CSMD1: variants seen among roughly 807,000 people sequenced by gnomAD.
The protein encoded by CSMD1 is CUB and Sushi multiple domains 1.
CSMD1 carries 213 observed loss-of-function variants against 417.5 expected under a neutral mutation model. That is an observed-to-expected ratio of 0.51 (90% CI 0.46 to 0.57). The LOEUF is 0.57. Ranked by LOEUF, CSMD1 falls within the 20% of genes least tolerant of loss-of-function variation. The probability of loss-of-function intolerance (pLI) is 0.00; values close to 1 mark genes in which losing one functional copy is unlikely to be tolerated. For missense variants in CSMD1, 6,923 were observed against 4,529.7 expected (o/e 1.53, Z -15.17); for synonymous variants, 2,862 against 1,736.8 (o/e 1.65, Z -16.11).
chr8:4,294,443 C>G (rs184035514), intron 3 of CSMD1, among the ~76,000 whole-genome samples: 1 of 152,196 alleles, frequency 6.6e-6, no homozygotes, highest in Admixed American at 6.5e-5. Context: ...CAATTAACAT[C>G]GCAGGCAATG....
intron 34 of CSMD1, 90 bp from the exon 35 acceptor site, chr8:3,189,101 G>C: frequency 8.0e-7 from 1 of 1,255,412 alleles, no homozygotes; most frequent in Non-Finnish European, 1.1e-6. Context: ...TGACCACACA[G>C]TAAGAGAAAA....
At position 3,827,888 on chromosome 8, in the gene CSMD1, G is replaced by T. The variant is rs73658296; in HGVS notation, c.819-73846C>A. Among the ~76,000 whole-genome samples the T allele has an allele frequency of 1.4e-3, 209 of 152,226 alleles. 2 individuals carry two copies. The highest frequency in any genetic ancestry group is 4.2e-3 in the African/African-American group (175 of 41,538). On this transcript the variant is annotated intron_variant, in intron 5 of 69. Coordinates refer to ENST00000635120, the MANE Select transcript of CSMD1 (RefSeq NM_033225.6). ...ACTTCTGATGAAGTTTCATCCCCAT[G>T]GGCTCACTCAAAGGAAACAATATAG...
chr8:3,952,672 G>C (rs1460871452), intron 5 of CSMD1, among the ~76,000 whole-genome samples: 1 of 152,180 alleles, frequency 6.6e-6, no homozygotes, highest in African/African-American at 2.4e-5. Flanking sequence ...TGAAATCAAA[G>C]AGATATTATT....
intron 1 of CSMD1, among the ~76,000 whole-genome samples, chr8:4,835,480 T>G (rs967615925): frequency 6.6e-6 from 1 of 152,182 alleles, no homozygotes; most frequent in Non-Finnish European, 1.5e-5. Flanking sequence ...GATTCTTATG[T>G]TGAATTTGAG....
chr8:3,681,892 C>G (rs1056620536), intron 7 of CSMD1, among the ~76,000 whole-genome samples: 2 of 152,154 alleles, frequency 1.3e-5, no homozygotes, highest in African/African-American at 2.4e-5. Context: ...TACCACACAT[C>G]TACGACTATC....
intron 43 of CSMD1, among the ~76,000 whole-genome samples, chr8:3,109,103 A>G (rs1221430088): frequency 6.6e-6 from 1 of 152,092 alleles, no homozygotes; most frequent in Non-Finnish European, 1.5e-5. Context: ...TGTCTCTACT[A>G]AAATTACAAA....
intron 1 of CSMD1, among the ~76,000 whole-genome samples, chr8:4,890,007 C>T (rs1307082782): frequency 1.3e-5 from 2 of 151,968 alleles, no homozygotes; most frequent in African/African-American, 4.8e-5. Context: ...AGGTATCTTA[C>T]CTAATAATTA....
rs532414657 is a variant in CSMD1 at position 4,679,075 on chromosome 8, C to T, written c.86-41517G>A. Reference sequence around the variant, plus strand: ...AGTGAGGTTCGTGACTCTATTCCTCCCTCAGGTAGCCTCACATCTGGTCAT... The same window carrying T: ...AGTGAGGTTCGTGACTCTATTCCTCTCTCAGGTAGCCTCACATCTGGTCAT... On this transcript the variant is annotated intron_variant, in intron 1 of 69. Coordinates refer to ENST00000635120, the MANE Select transcript of CSMD1 (RefSeq NM_033225.6). Among the ~76,000 whole-genome samples, 8 of 152,278 alleles carry T rather than the reference C, an allele frequency of 5.3e-5. No individual in the cohort carries two copies. In the East Asian group the frequency reaches 1.5e-3, roughly 29 times the overall value.
chr8:4,471,599 A>G (rs55686617), intron 2 of CSMD1, among the ~76,000 whole-genome samples: 5,242 of 152,136 alleles, frequency 0.034, 200 homozygotes, highest in African/African-American at 0.097. Context: ...GCAGGGAGAA[A>G]ACAACCCAGA....
chr8:3,234,032 G>T (rs549521131), intron 26 of CSMD1, among the ~76,000 whole-genome samples: 3 of 152,068 alleles, frequency 2.0e-5, no homozygotes, highest in Non-Finnish European at 4.4e-5. Context: ...ACACCCTTTG[G>T]TGTTCCAGCT....
chr8:4,919,164 G>A (rs1487316857), intron 1 of CSMD1, among the ~76,000 whole-genome samples: 1 of 150,952 alleles, frequency 6.6e-6, no homozygotes, highest in Non-Finnish European at 1.5e-5. Context: ...AATCACTAAA[G>A]TAAAATTAAA....
At position 3,359,353 on chromosome 8, in the gene CSMD1, G is replaced by A; in HGVS notation, c.3116-13C>T. The A allele has an allele frequency of 1.2e-6, 2 of 1,605,938 alleles. No individual in the cohort carries two copies. The highest frequency in any genetic ancestry group is 1.7e-6 in the Non-Finnish European group (2 of 1,174,412). On this transcript the variant is annotated splice_polypyrimidine_tract_variant and intron_variant, in intron 20 of 69. Transcript: ENST00000635120. Reference sequence around the variant, plus strand: ...TCCAGGTCATATTCTGAGGCATGCAGAGACAGAGTAAATGCATGAGGATTT... The same window carrying A: ...TCCAGGTCATATTCTGAGGCATGCAAAGACAGAGTAAATGCATGAGGATTT...
intron 4 of CSMD1, among the ~76,000 whole-genome samples, chr8:4,014,982 C>T (rs762875510): frequency 6.6e-6 from 1 of 152,184 alleles, no homozygotes; most frequent in Non-Finnish European, 1.5e-5. Flanking sequence ...GAAAATGTAG[C>T]ACAGCAAATA....
At chr8:3,580,158 T>C (rs1207606027) in intron 9 of CSMD1, among the ~76,000 whole-genome samples, 1 of 152,164 alleles carries the variant, frequency 6.6e-6, no homozygotes. Flanking sequence ...GTGCTCATCA[T>C]GAGTTGAACA....
intron 12 of CSMD1, among the ~76,000 whole-genome samples, chr8:3,431,315 C>T (rs919932769): frequency 6.6e-6 from 1 of 152,166 alleles, no homozygotes; most frequent in Non-Finnish European, 1.5e-5. Flanking sequence ...CCTGCATACT[C>T]TCCTCTGCTC....
chr8:4,564,500 T>C (rs1398792147), intron 2 of CSMD1, among the ~76,000 whole-genome samples: 1 of 152,180 alleles, frequency 6.6e-6, no homozygotes, highest in Non-Finnish European at 1.5e-5. Flanking sequence ...TTCCATGACA[T>C]ACTTTATCTA....
At chr8:3,170,005 G>C (rs764738346) in intron 37 of CSMD1, among the ~76,000 whole-genome samples, 2 of 152,132 alleles carry the variant, frequency 1.3e-5, no homozygotes, top group African/African-American at 4.8e-5. Flanking sequence ...TCTAAATTGT[G>C]CGGCCTGACC....
chr8:3,176,150 A>T (rs1469134853), intron 37 of CSMD1, among the ~76,000 whole-genome samples: 1 of 152,200 alleles, frequency 6.6e-6, no homozygotes, highest in African/African-American at 2.4e-5. Flanking sequence ...AAATTTAGTG[A>T]AGAAGGCCTG....
intron 3 of CSMD1, among the ~76,000 whole-genome samples, chr8:4,188,234 G>A (rs552719755): frequency 6.6e-6 from 1 of 152,094 alleles, no homozygotes; most frequent in Non-Finnish European, 1.5e-5. Context: ...TGACTCTGAG[G>A]ACCCAGAAAA....
Sources: allele counts gnomAD v4.1 joint callset (sites outside exome capture counted in the v4.1 genomes callset), GRCh38; gene constraint gnomAD v4.1.1; transcripts MANE v1.5; gene names NCBI Gene and HGNC (gene_info 2026-07-23, HGNC 2026-07-21).